The following WWTR1 variants were observed in gnomAD, a reference collection of about 807,000 sequenced individuals.
The protein encoded by WWTR1 is WW domain-containing transcription regulator protein 1.
A neutral mutation model predicts 40.1 loss-of-function variants in WWTR1; 13 were observed. The ratio of observed to expected loss-of-function variants is 0.32; its 90% confidence interval spans 0.21 to 0.52. The LOEUF is 0.52. Ranked by LOEUF, WWTR1 falls within the 20% of genes least tolerant of loss-of-function variation. The pLI is 0.97. For synonymous variants in WWTR1, 230 were observed against 210.1 expected (o/e 1.09, Z -0.82); for missense variants, 436 against 523.1 (o/e 0.83, Z 1.63).
chr3:149,682,474 T>C (rs1310744139), intron 1 of WWTR1, among the ~76,000 whole-genome samples: 1 of 152,204 alleles, frequency 6.6e-6, no homozygotes, highest in East Asian at 1.9e-4. Flanking sequence ...GTTTTTCTAC[T>C]TTGGTGAAGT....
intron 5 of WWTR1, among the ~76,000 whole-genome samples, chr3:149,716,727 A>T (rs888294089): frequency 6.6e-6 from 1 of 152,146 alleles, no homozygotes; most frequent in Non-Finnish European, 1.5e-5. Context: ...TACTCATATT[A>T]TTTCATAAGT....
chr3:149,692,656 G>A (rs778018730), intron 1 of WWTR1, among the ~76,000 whole-genome samples: 10 of 149,914 alleles, frequency 6.7e-5, no homozygotes, highest in Non-Finnish European at 1.0e-4. Context: ...TGTTTGAGAC[G>A]GAGTTTCATT....
At chr3:149,561,493 A>T (rs1328614783) in intron 3 of WWTR1, among the ~76,000 whole-genome samples, 3 of 152,228 alleles carry the variant, frequency 2.0e-5, no homozygotes, top group African/African-American at 7.2e-5. Flanking sequence ...AACAGTTTTA[A>T]AAACTTTAAA....
intron 1 of WWTR1, among the ~76,000 whole-genome samples, chr3:149,674,294 G>A (rs13072570): frequency 0.2 from 29,504 of 150,826 alleles, 3,097 homozygotes; most frequent in Admixed American, 0.3. Flanking sequence ...ACACACACAC[G>A]TAAAAATTGT....
chr3:149,698,986 C>T (rs1412670841), intron 1 of WWTR1, among the ~76,000 whole-genome samples: 2 of 152,228 alleles, frequency 1.3e-5, no homozygotes, highest in Non-Finnish European at 2.9e-5. Context: ...ACCTTTGAGG[C>T]CTTTTTCCCA....
At chr3:149,678,182 A>T (rs1177276892) in intron 1 of WWTR1, among the ~76,000 whole-genome samples, 1 of 152,176 alleles carries the variant, frequency 6.6e-6, no homozygotes, top group Non-Finnish European at 1.5e-5. Flanking sequence ...CTAACTTTTC[A>T]TCTCAACTAT....
intron 2 of WWTR1, among the ~76,000 whole-genome samples, chr3:149,653,042 T>C (rs1029797989): frequency 2.0e-5 from 3 of 152,204 alleles, no homozygotes; most frequent in African/African-American, 7.2e-5. Context: ...ACTAAAATTG[T>C]CACTAAAAAT....
In WWTR1 at chr3:149,522,029, C is replaced by T. The variant is rs143070791; in HGVS notation, c.1019-1040G>A. Reference sequence around the variant, plus strand: ...TCATTGTCCTGAGAGAAAGAAAAACCCAGGTCTTCAGCCACTATTAATTAC... The same window carrying T: ...TCATTGTCCTGAGAGAAAGAAAAACTCAGGTCTTCAGCCACTATTAATTAC... On this transcript the variant is annotated intron_variant, in intron 6 of 6. Transcript: ENST00000360632. 8.4e-4 allele frequency among the ~76,000 whole-genome samples: 127 copies of T among 152,090 alleles called. 2 individuals are homozygous for T. The East Asian group carries it at 0.022, about 27-fold the overall frequency.
At chr3:149,543,816 A>AT (rs2107940755) in intron 3 of WWTR1, among the ~76,000 whole-genome samples, 1 of 150,998 alleles carries the variant, frequency 6.6e-6, no homozygotes, top group South Asian at 2.1e-4. Flanking sequence ...ACAAGGTATA[A>AT]TTTTATATAC....
At chr3:149,562,021 C>A (rs113793063) in intron 3 of WWTR1, among the ~76,000 whole-genome samples, 14,258 of 152,090 alleles carry the variant, frequency 0.094, 947 homozygotes, top group African/African-American at 0.18. Flanking sequence ...ACTGGCCAGG[C>A]GCAGTTGCTT....
intron 2 of WWTR1, among the ~76,000 whole-genome samples, chr3:149,591,042 C>G (rs1342047866): frequency 6.6e-6 from 1 of 151,450 alleles, no homozygotes; most frequent in Non-Finnish European, 1.5e-5. Flanking sequence ...TAGGCATATC[C>G]TGTCAAGAAA....
intron 2 of WWTR1, among the ~76,000 whole-genome samples, chr3:149,650,553 G>C (rs1712804883): frequency 6.6e-6 from 1 of 152,080 alleles, no homozygotes; most frequent in South Asian, 2.1e-4. Flanking sequence ...TATCTCTCTG[G>C]GATGTGCTGA....
chr3:149,683,815 T>C (rs772960562), intron 1 of WWTR1, among the ~76,000 whole-genome samples: 3 of 152,142 alleles, frequency 2.0e-5, no homozygotes, highest in Non-Finnish European at 4.4e-5. Flanking sequence ...GGGAGAAGCA[T>C]GACAGCATGC....
chr3:149,595,516 A>G (rs1173167407), intron 2 of WWTR1, among the ~76,000 whole-genome samples: 1 of 152,182 alleles, frequency 6.6e-6, no homozygotes, highest in Non-Finnish European at 1.5e-5. Flanking sequence ...CTATTAAATA[A>G]CATATTAAAC....
chr3:149,703,881 G>A (rs948017627), upstream of WWTR1, among the ~76,000 whole-genome samples: 25 of 152,264 alleles, frequency 1.6e-4, no homozygotes, highest in African/African-American at 5.5e-4. Context: ...AGATGCTGGC[G>A]CATGCTTCTC....
intron 2 of WWTR1, among the ~76,000 whole-genome samples, chr3:149,612,314 T>C (rs1019727948): frequency 3.4e-5 from 5 of 145,048 alleles, no homozygotes; most frequent in Non-Finnish European, 7.4e-5. Context: ...CATAATTTTG[T>C]TACAATGGGC....
chr3:149,628,586 G>T (rs1325494493), intron 2 of WWTR1, among the ~76,000 whole-genome samples: 6 of 152,148 alleles, frequency 3.9e-5, no homozygotes, highest in African/African-American at 9.7e-5. Flanking sequence ...ATATATCCTT[G>T]TCCGCAGGAT....
chr3:149,715,932 G>T (rs1054058770), intron 5 of WWTR1, among the ~76,000 whole-genome samples: 2 of 152,132 alleles, frequency 1.3e-5, no homozygotes, highest in African/African-American at 4.8e-5. Context: ...TGGGGTGGGG[G>T]TTAACTAGGG....
chr3:149,573,013 A>T lies in WWTR1; in HGVS notation c.432-13T>A. On this transcript the variant is annotated splice_polypyrimidine_tract_variant and intron_variant, in intron 2 of 6. Transcript: ENST00000360632. The stretch of plus-strand genomic sequence containing the variant: ...TTTTTCTATGTGACTAAAAGAAGGA[A>T]AACAATTAATTATCTTTTTAATTGT... The T allele has an allele frequency of 6.3e-7, 1 of 1,581,658 alleles. No homozygotes were observed. Among genetic ancestry groups the T allele is most frequent in the South Asian group, 1.2e-5 (1 of 85,484 alleles).
Sources: allele counts gnomAD v4.1 joint callset (sites outside exome capture counted in the v4.1 genomes callset), GRCh38; gene constraint gnomAD v4.1.1; transcripts MANE v1.5; gene names NCBI Gene and HGNC (gene_info 2026-07-23, HGNC 2026-07-21).